The following CAMTA1 variants were observed in gnomAD, a reference collection of about 807,000 sequenced individuals.
The protein encoded by CAMTA1 is calmodulin-binding transcription activator 1.
In CAMTA1, 27 loss-of-function variants were observed where a neutral mutation model predicts 170.9. The ratio of observed to expected loss-of-function variants is 0.16; its 90% CI spans 0.12 to 0.22. CAMTA1 has a LOEUF of 0.22. CAMTA1 is among the 10% of genes least tolerant of loss of function. The probability of loss-of-function intolerance (pLI) is 1.00; values close to 1 mark genes in which losing one functional copy is unlikely to be tolerated. For missense variants in CAMTA1, 1,619 were observed against 2,217.2 expected, an observed-to-expected ratio of 0.73 and a Z score of 5.42; for synonymous variants, 833 against 891.5, an observed-to-expected ratio of 0.93 and a Z score of 1.17.
chr1:6,885,625 CTCTGGTGGGT>C (rs1276596400), intron 3 of CAMTA1, among the ~76,000 whole-genome samples: 1 of 152,210 alleles, frequency 6.6e-6, no homozygotes, highest in Non-Finnish European at 1.5e-5. Flanking sequence ...CATGCCATTG[CTCTGGTGGGT>C]TCTTTTTCTG....
chr1:7,385,512 G>T lies in CAMTA1; in HGVS notation c.439-82318G>T, dbSNP rs567988350. Among the ~76,000 whole-genome samples, 8 of 152,314 alleles carry T rather than the reference G, an allele frequency of 5.3e-5. No individual in the cohort carries two copies. The South Asian group carries it at 8.3e-4, about 16-fold the overall frequency. On this transcript the variant is annotated intron_variant, in intron 5 of 22. Coordinates refer to ENST00000303635, the MANE Select transcript of CAMTA1 (RefSeq NM_015215.4). ...CAAATGTGCAAGTACTGGGCTCGCG[G>T]GCCAGTGTTTGAAGTGATGGGAGCC...
intron 4 of CAMTA1, among the ~76,000 whole-genome samples, chr1:7,099,105 A>G (rs797013748): frequency 5.9e-5 from 9 of 152,184 alleles, no homozygotes; most frequent in African/African-American, 1.7e-4. Context: ...CTGGAGTGCA[A>G]TCGTGTGATC....
At chr1:7,584,991 G>A (rs76448635) in intron 6 of CAMTA1, among the ~76,000 whole-genome samples, 1 of 152,178 alleles carries the variant, frequency 6.6e-6, no homozygotes, top group East Asian at 1.9e-4. Flanking sequence ...ATGGTACATA[G>A]ACCATATATT....
chr1:6,974,260 C>T (rs1693031403), intron 3 of CAMTA1, among the ~76,000 whole-genome samples: 1 of 152,216 alleles, frequency 6.6e-6, no homozygotes, highest in African/African-American at 2.4e-5. Flanking sequence ...ATTTTTCATA[C>T]AGTAACAAAA....
intron 5 of CAMTA1, among the ~76,000 whole-genome samples, chr1:7,451,046 A>G (rs2092812038): frequency 6.6e-6 from 1 of 152,166 alleles, no homozygotes; most frequent in Admixed American, 6.5e-5. Context: ...TAATAGATGT[A>G]GGCTCTTCAG....
At position 7,532,658 on chromosome 1, in the gene CAMTA1, T is replaced by G. The variant is rs2094505209; in HGVS notation, c.510+64757T>G. Among the ~76,000 whole-genome samples the G allele has an allele frequency of 6.6e-6, 1 of 152,208 alleles. No homozygotes were observed. Among genetic ancestry groups the G allele is most frequent in the African/African-American group, 2.4e-5 (1 of 41,454 alleles). On this transcript the variant is annotated intron_variant, in intron 6 of 22. Transcript: ENST00000303635. The surrounding 1 kb of genome is among the most constrained non-coding windows in gnomAD (Gnocchi z 4.2). ...AAAGCATAGGGCTTGGCAACCTCCC[T>G]CTTCTCCCTGGAGTTGAAGGCAGTA...
Position 6,796,767 on chromosome 1 carries a change from C to T in CAMTA1, c.45+11192C>T, listed in dbSNP as rs78946482. 1.0e-3 allele frequency among the ~76,000 whole-genome samples: 158 copies of T among 152,232 alleles called. 4 individuals carry two copies. In the East Asian group the frequency reaches 0.027, roughly 26 times the overall value. Reference sequence around the variant, plus strand: ...GGTCACTGCTTGCAGTTCAGTACTACGTTAGAACAGTTCTTGAAGAAATCT... The same window carrying T: ...GGTCACTGCTTGCAGTTCAGTACTATGTTAGAACAGTTCTTGAAGAAATCT... On this transcript the variant is annotated intron_variant, in intron 1 of 22. Coordinates refer to ENST00000303635, the MANE Select transcript of CAMTA1 (RefSeq NM_015215.4).
chr1:7,479,971 G>A (rs1336334650), intron 6 of CAMTA1, among the ~76,000 whole-genome samples: 1 of 152,114 alleles, frequency 6.6e-6, no homozygotes, highest in African/African-American at 2.4e-5. Flanking sequence ...GTACACAAGT[G>A]TGTATATATG....
intron 11 of CAMTA1, among the ~76,000 whole-genome samples, chr1:7,688,655 A>G (rs1344373171): frequency 6.6e-6 from 1 of 152,180 alleles, no homozygotes; most frequent in African/African-American, 2.4e-5. Flanking sequence ...GAGCAAGGTG[A>G]GAGGACACCC....
At chr1:6,937,616 T>C (rs111214193) in intron 3 of CAMTA1, among the ~76,000 whole-genome samples, 473 of 3,412 alleles carry the variant, frequency 0.14, 2 homozygotes, top group Non-Finnish European at 0.16. Context: ...TCACCATCAC[T>C]ATCACCATCA....
Position 7,537,078 on chromosome 1 carries a change from ACATT to A in CAMTA1, c.510+69181_510+69184del, listed in dbSNP as rs537590559. 9.7e-4 allele frequency among the ~76,000 whole-genome samples: 148 copies of A among 152,258 alleles called. 1 individual carries two copies. Among genetic ancestry groups the A allele is most frequent in the South Asian group, 2.7e-3 (13 of 4,826 alleles). On this transcript the variant is annotated intron_variant, in intron 6 of 22. Coordinates refer to ENST00000303635, the MANE Select transcript of CAMTA1 (RefSeq NM_015215.4). ...GCAGCCTCTGAGCAGGCAGCAGGTG[ACATT>A]CATCTGCAGCTGTGGGCTACAGCGG... is the stretch of plus-strand genomic sequence containing the variant.
In CAMTA1 at chr1:7,373,888, T is replaced by G. The variant is rs2086660279; in HGVS notation, c.439-93942T>G. On this transcript the variant is annotated intron_variant, in intron 5 of 22. Transcript: ENST00000303635. ...ACTCCATTTAGCTGAGAACAATGAT[T>G]TATTCCTCCCTCACTATTGGACATC... 2.0e-5 allele frequency among the ~76,000 whole-genome samples: 3 copies of G among 152,362 alleles called. No individual in the cohort carries two copies. In the South Asian group the frequency reaches 6.2e-4, roughly 32 times the overall value.
intron 3 of CAMTA1, among the ~76,000 whole-genome samples, chr1:6,925,766 C>T (rs986019315): frequency 1.3e-5 from 2 of 152,204 alleles, no homozygotes; most frequent in South Asian, 2.1e-4. Context: ...CTTGGCTTTT[C>T]AATACCTCTT....
At chr1:6,843,884 C>T (rs1656885921) in intron 3 of CAMTA1, among the ~76,000 whole-genome samples, 1 of 152,132 alleles carries the variant, frequency 6.6e-6, no homozygotes, top group African/African-American at 2.4e-5. Flanking sequence ...AAAAAGACAC[C>T]ATCAGGTGTC....
At chr1:7,381,489 A>T (rs1367364775) in intron 5 of CAMTA1, among the ~76,000 whole-genome samples, 2,056 of 151,454 alleles carry the variant, frequency 0.014, 42 homozygotes, top group African/African-American at 0.047. Flanking sequence ...TGAACTCATC[A>T]TTTTTTATGG....
chr1:7,329,690 A>G (rs1167473857), intron 5 of CAMTA1, among the ~76,000 whole-genome samples: 1 of 152,128 alleles, frequency 6.6e-6, no homozygotes, highest in Non-Finnish European at 1.5e-5. Flanking sequence ...GAGATGAGGG[A>G]GGTAGATTGT....
chr1:6,864,110 T>G (rs1230419987), intron 3 of CAMTA1, among the ~76,000 whole-genome samples: 4 of 152,360 alleles, frequency 2.6e-5, no homozygotes. Flanking sequence ...GATTTACTAC[T>G]GATGATATTA....
At chr1:7,238,692 T>G (rs1212627730) in intron 4 of CAMTA1, among the ~76,000 whole-genome samples, 1 of 152,362 alleles carries the variant, frequency 6.6e-6, no homozygotes, top group Admixed American at 6.5e-5. Context: ...AAGACCAGCC[T>G]GACCAACATG....
rs559872126 is a variant in CAMTA1 at position 7,412,499 on chromosome 1, C to G, written c.439-55331C>G. ...CATTGTGGTTTTGATTTGCATTTCT[C>G]TGGTGGCCAGTGATGGTGAGCATTG... On this transcript the variant is annotated intron_variant, in intron 5 of 22. Coordinates refer to ENST00000303635, the MANE Select transcript of CAMTA1 (RefSeq NM_015215.4). 9.2e-3 allele frequency among the ~76,000 whole-genome samples: 1,408 copies of G among 152,292 alleles called. 22 individuals are homozygous for G. Among genetic ancestry groups the G allele is most frequent in the African/African-American group, 0.032 (1,322 of 41,540 alleles).
Sources: allele counts gnomAD v4.1 joint callset (sites outside exome capture counted in the v4.1 genomes callset), GRCh38; gene constraint gnomAD v4.1.1; non-coding constraint Gnocchi (gnomAD v3.1); transcripts MANE v1.5; gene names NCBI Gene and HGNC (gene_info 2026-07-23, HGNC 2026-07-21).